Variants in BRD7 observed in about 807,000 individuals in gnomAD.
BRD7 encodes bromodomain containing 7.
Under a neutral mutation model 82.1 loss-of-function variants are expected in BRD7, and 15 were observed. That is an observed-to-expected ratio of 0.18 (90% CI 0.12 to 0.28). BRD7 has a LOEUF of 0.28. BRD7 is among the 10% of genes least tolerant of loss of function. BRD7 has a pLI of 1.00. For synonymous variants in BRD7, 232 were observed against 266.9 expected, an observed-to-expected ratio of 0.87 and a Z score of 1.27; for missense variants, 638 against 779.9, an observed-to-expected ratio of 0.82 and a Z score of 2.17.
chr16:50,320,489 C>A, intron 14 of BRD7, 98 bp from the exon 15 acceptor site: 2 of 1,529,174 alleles, frequency 1.3e-6, no homozygotes, highest in South Asian at 2.5e-5. Flanking sequence ...AGCCTTCTCC[C>A]TTCAAAAGAG....
At chr16:50,357,800 G>A (rs2038793519) in intron 2 of BRD7, among the ~76,000 whole-genome samples, 1 of 152,084 alleles carries the variant, frequency 6.6e-6, no homozygotes, top group Admixed American at 6.5e-5. Flanking sequence ...GGCCAACAAA[G>A]CGAAACTCCA....
intron 11 of BRD7, among the ~76,000 whole-genome samples, chr16:50,324,965 C>T (rs1377131438): frequency 1.3e-5 from 2 of 152,230 alleles, no homozygotes; most frequent in Non-Finnish European, 2.9e-5. Context: ...AAAACAACAA[C>T]AACCAAACCA....
chr16:50,352,892 CA>C (rs2038590053), intron 4 of BRD7, among the ~76,000 whole-genome samples: 1 of 151,946 alleles, frequency 6.6e-6, no homozygotes, highest in African/African-American at 2.4e-5. Flanking sequence ...CCTTACGTTG[CA>C]AGAAAAACTC....
rs1567604853 is a variant in BRD7 at position 50,330,336 on chromosome 16, A to ATTTTTTTTTTTTTTT, written c.1012-1593_1012-1592insAAAAAAAAAAAAAAA. ...AAACAAGTTAAGTTGAAAAGAGGAC[A>ATTTTTTTTTTTTTTT]CTTTTTTTTTTTTTTTTTTTTTGAG... On this transcript the variant is annotated intron_variant, in intron 8 of 16. Coordinates refer to ENST00000394688, the MANE Select transcript of BRD7 (RefSeq NM_013263.5). Among the ~76,000 whole-genome samples the ATTTTTTTTTTTTTTT allele has an allele frequency of 2.1e-5, 3 of 139,770 alleles. 1 individual carries two copies. Among genetic ancestry groups the ATTTTTTTTTTTTTTT allele is most frequent in the Non-Finnish European group, 1.5e-5 (1 of 64,720 alleles). The allele number at this position is 139,770 out of a possible 152,430, so 91.7% of individuals were successfully genotyped here.
intron 6 of BRD7, among the ~76,000 whole-genome samples, chr16:50,338,007 T>C (rs1401023450): frequency 1.3e-5 from 2 of 152,234 alleles, no homozygotes; most frequent in Non-Finnish European, 2.9e-5. Flanking sequence ...AATCTTTTGC[T>C]TGTTGTATTA....
At chr16:50,342,253 G>A (rs536108121) in intron 5 of BRD7, among the ~76,000 whole-genome samples, 11 of 152,002 alleles carry the variant, frequency 7.2e-5, no homozygotes, top group African/African-American at 2.4e-4. Flanking sequence ...TGAAATAAAC[G>A]GTTTTAGCCT....
In BRD7 at chr16:50,322,041, A is replaced by G. The variant is rs568780805; in HGVS notation, c.1444-3T>C. ...TGGCCTTCATCTTCAGGCAATGACT[A>G]TAAGGATGAAGAAAAACAGCTTTTT... On this transcript the variant is annotated splice_polypyrimidine_tract_variant and splice_region_variant and intron_variant, in intron 12 of 16. Coordinates refer to ENST00000394688, the MANE Select transcript of BRD7 (RefSeq NM_013263.5). 1.9e-6 allele frequency: 3 copies of G among 1,596,720 alleles called. No homozygotes were observed. Among genetic ancestry groups the G allele is most frequent in the East Asian group, 2.3e-5 (1 of 44,214 alleles).
intron 6 of BRD7, among the ~76,000 whole-genome samples, chr16:50,337,834 C>A (rs957435008): frequency 4.0e-5 from 6 of 151,794 alleles, no homozygotes; most frequent in Non-Finnish European, 8.8e-5. Context: ...CAATAGGAAG[C>A]TAATAACACA....
At chr16:50,328,805 C>T in intron 8 of BRD7, 61 bp from the exon 9 acceptor site, 1 of 1,491,752 alleles carries the variant, frequency 6.7e-7, no homozygotes, top group Non-Finnish European at 9.3e-7. Context: ...GCTGAGTATC[C>T]TTTATCCGAA....
Position 50,333,624 on chromosome 16 carries a change from T to A in BRD7, c.961A>T (p.Ile321Phe). Residue 321 changes from isoleucine (I) to phenylalanine (F), a missense_variant, in exon 8 of 17, where the codon ATC (isoleucine) becomes TTC (phenylalanine). Around this residue, in one of 3 missense-constraint regions of BRD7, gnomAD observed 402 missense variants for 500.8 expected, o/e 0.80. Coordinates refer to ENST00000394688, the MANE Select transcript of BRD7 (RefSeq NM_013263.5). ...LEREQEQLDR[I>F]VKESGGKLTR... is the part of the protein sequence containing the mutation. Reference sequence around the variant, plus strand: ...AGCTTTCCTCCAGATTCCTTCACGATGCGGTCAAGCTGCTCCTGCTCTCTC... The same window carrying A: ...AGCTTTCCTCCAGATTCCTTCACGAAGCGGTCAAGCTGCTCCTGCTCTCTC... 3 of 1,611,936 alleles carry A rather than the reference T, an allele frequency of 1.9e-6. No homozygotes were observed. Among genetic ancestry groups the A allele is most frequent in the Non-Finnish European group, 1.7e-6 (2 of 1,179,812 alleles).
chr16:50,325,636 C>A, intron 11 of BRD7, 112 bp downstream of exon 11: 1 of 999,102 alleles, frequency 1.0e-6, no homozygotes, highest in South Asian at 2.1e-5. Context: ...AAAAAAATTA[C>A]TGAGCACATT....
At chr16:50,355,042 C>CTT (rs2038679189) in intron 2 of BRD7, 120 bp from the exon 3 acceptor site, 6 of 1,236,784 alleles carry the variant, frequency 4.9e-6, no homozygotes, top group Non-Finnish European at 6.7e-6. Flanking sequence ...ATAACAAGCT[C>CTT]AATGTACTTT....
Position 50,318,558 on chromosome 16 carries a change from C to A in BRD7, c.*653G>T, listed in dbSNP as rs1284950718. ...GAGTTCAACTCCTTGGGTACTTGAC[C>A]TTTGTATTTCAGATAAACAGTAAGT... On this transcript the variant is annotated 3_prime_UTR_variant, in exon 17 of 17. Transcript: ENST00000394688. 1 of 152,180 alleles carries A rather than the reference C, an allele frequency of 6.6e-6. No homozygotes were observed. The highest frequency in any genetic ancestry group is 1.5e-5 in the Non-Finnish European group (1 of 68,042). The allele number at this position is 152,180 out of a possible 1,614,324, so 9.4% of individuals were successfully genotyped here. A position where few individuals can be genotyped will look rare whatever the true frequency, so the allele number is the denominator to read the frequency against.
chr16:50,368,546 G>A (rs1432959099), intron 1 of BRD7, 180 bp downstream of exon 1: 1 of 724,252 alleles, frequency 1.4e-6, no homozygotes, highest in Non-Finnish European at 2.1e-6. Context: ...GGGGGACCCG[G>A]GTTCGAATGC....
At chr16:50,340,813 T>G (rs867236260) in intron 5 of BRD7, among the ~76,000 whole-genome samples, 72 of 152,314 alleles carry the variant, frequency 4.7e-4, no homozygotes, top group African/African-American at 1.7e-3. Flanking sequence ...TTGACCCCAC[T>G]GCATGCTTTC....
chr16:50,348,664 C>G (rs143931330), intron 5 of BRD7, among the ~76,000 whole-genome samples: 1 of 152,198 alleles, frequency 6.6e-6, no homozygotes, highest in Non-Finnish European at 1.5e-5. Context: ...AAATGCTCAT[C>G]ATCACTGGCA....
At chr16:50,319,296 C>A (rs376865038) in intron 16 of BRD7, 30 bp from the exon 17 acceptor site, 1 of 1,604,504 alleles carries the variant, frequency 6.2e-7, no homozygotes, top group African/African-American at 1.3e-5. Context: ...CTTAATTCAA[C>A]ATTGTTTTTA....
intron 4 of BRD7, among the ~76,000 whole-genome samples, chr16:50,351,436 G>A (rs76699351): frequency 1.3e-5 from 2 of 152,158 alleles, no homozygotes; most frequent in South Asian, 2.1e-4. Flanking sequence ...AGGAGTTACC[G>A]TAACGGCAGC....
At chr16:50,359,987 G>A (rs2151204581) in intron 2 of BRD7, among the ~76,000 whole-genome samples, 1 of 152,306 alleles carries the variant, frequency 6.6e-6, no homozygotes, top group Non-Finnish European at 1.5e-5. Flanking sequence ...ACTTTCTTCT[G>A]ACTAGATTCT....
Sources: gnomAD v4.1 joint callset for allele counts (sites outside exome capture counted in the v4.1 genomes callset) on GRCh38, gnomAD v4.1.1 for gene constraint, gnomAD v4.1.1 regional missense constraint, MANE v1.5 for transcripts, NCBI Gene and HGNC (gene_info 2026-07-23, HGNC 2026-07-21) for gene names.